The following DPH6 variants were observed in gnomAD, a reference collection of about 807,000 sequenced individuals.
The protein encoded by DPH6 is diphthine--ammonia ligase.
DPH6 carries 33 observed loss-of-function variants against 38.2 expected under a neutral mutation model. The observed-to-expected ratio is 0.86, with a 90% CI of 0.65 to 1.15. The LOEUF (loss-of-function observed/expected upper bound fraction) is 1.15, where lower values mean the gene tolerates loss of function less well. Among genes scored for constraint, DPH6 ranks in the 50% most tolerant of loss-of-function variants. The pLI, the probability that DPH6 is intolerant of heterozygous loss-of-function variation, is 0.00. For missense variants in DPH6, 325 were observed against 320.0 expected (o/e 1.02, Z -0.12); for synonymous variants, 108 against 103.0 (o/e 1.05, Z -0.30).
chr15:35,223,548 CGGT>C (rs1293212643), intron 3 of DPH6, among the ~76,000 whole-genome samples: 1 of 151,978 alleles, frequency 6.6e-6, no homozygotes, highest in Non-Finnish European at 1.5e-5. Context: ...TAACCAGGCA[CGGT>C]GGTGGACGCC....
chr15:35,449,926 G>A (rs60075747), intron 5 of DPH6, among the ~76,000 whole-genome samples: 4,064 of 152,098 alleles, frequency 0.027, 179 homozygotes, highest in African/African-American at 0.093. Context: ...AGATCTGCAA[G>A]GTAAACACTT....
chr15:35,245,703 T>C (rs1324504689), intron 3 of DPH6, among the ~76,000 whole-genome samples: 1 of 152,160 alleles, frequency 6.6e-6, no homozygotes, highest in Non-Finnish European at 1.5e-5. Flanking sequence ...GCAGAACAGC[T>C]CTCTCAAATC....
chr15:35,243,824 G>A lies in DPH6; in HGVS notation n.201-23242C>T, dbSNP rs528899228. On this transcript the variant is annotated intron_variant and non_coding_transcript_variant, in intron 3 of 3. Coordinates refer to the DPH6 transcript ENST00000560386. ...AGCCTGTTTGGTGGTCTCTTCCCACGGACGCGCATGAAAAATTCCTTTCTA... is the reference window on the plus strand; with the variant it reads ...AGCCTGTTTGGTGGTCTCTTCCCACAGACGCGCATGAAAAATTCCTTTCTA... 3.3e-5 allele frequency among the ~76,000 whole-genome samples: 5 copies of A among 152,198 alleles called. No homozygotes were observed. The East Asian group carries it at 9.6e-4, about 29-fold the overall frequency.
chr15:35,188,944 A>G, the DPH6 span, among the ~76,000 whole-genome samples: 2 of 152,186 alleles, frequency 1.3e-5, no homozygotes, highest in East Asian at 3.8e-4. Flanking sequence ...TATTTGAAGC[A>G]TTAAAAGCCT....
chr15:35,521,708 A>G (rs1197190166), intron 3 of DPH6: 1 of 1,231,262 alleles, frequency 8.1e-7, no homozygotes, highest in Admixed American at 4.2e-5. Context: ...ATTAAAATCA[A>G]TTTTAGTCAA....
At chr15:35,184,871 TC>T in the DPH6 span, among the ~76,000 whole-genome samples, 1 of 152,310 alleles carries the variant, frequency 6.6e-6, no homozygotes, top group South Asian at 2.1e-4. Context: ...CCACGCAATT[TC>T]AATGGTTCTA....
At chr15:35,326,742 T>G (rs2052286020), downstream of DPH6, among the ~76,000 whole-genome samples, 1 of 152,122 alleles carries the variant, frequency 6.6e-6, no homozygotes, top group South Asian at 2.1e-4. Flanking sequence ...GGCATGTAAG[T>G]AGTCTTATAA....
At chr15:35,191,604 C>T in the DPH6 span, among the ~76,000 whole-genome samples, 1 of 152,162 alleles carries the variant, frequency 6.6e-6, no homozygotes, top group Non-Finnish European at 1.5e-5. Flanking sequence ...GACACTCTCC[C>T]CACTGCTGAG....
chr15:35,406,992 C>T (rs2053302396), intron 6 of DPH6, among the ~76,000 whole-genome samples: 1 of 151,838 alleles, frequency 6.6e-6, no homozygotes, highest in Admixed American at 6.6e-5. Flanking sequence ...CGTGGAAAGC[C>T]CCAAAGGAAA....
At chr15:35,200,983 CT>C in the DPH6 span, among the ~76,000 whole-genome samples, 227 of 123,848 alleles carry the variant, frequency 1.8e-3, no homozygotes, top group East Asian at 0.011. Context: ...AATAATTTCC[CT>C]TTTTTTTTTT....
downstream of DPH6, among the ~76,000 whole-genome samples, chr15:35,327,773 T>G: frequency 6.6e-6 from 1 of 152,174 alleles, no homozygotes; most frequent in East Asian, 1.9e-4. Flanking sequence ...AATAAGACAG[T>G]TGGGTTGATT....
intron 3 of DPH6, among the ~76,000 whole-genome samples, chr15:35,227,122 T>C (rs2051486972): frequency 6.6e-6 from 1 of 151,700 alleles, no homozygotes; most frequent in Non-Finnish European, 1.5e-5. Flanking sequence ...TAGTTGCTCA[T>C]AGTAGCCACT....
the DPH6 span, among the ~76,000 whole-genome samples, chr15:35,200,006 T>C: frequency 6.6e-6 from 1 of 152,062 alleles, no homozygotes; most frequent in Non-Finnish European, 1.5e-5. Flanking sequence ...TATAGTGGTC[T>C]CTCTCTTTTC....
intron 3 of DPH6, among the ~76,000 whole-genome samples, chr15:35,532,938 T>C (rs140249991): frequency 5.0e-4 from 76 of 152,082 alleles, no homozygotes; most frequent in African/African-American, 1.7e-3. Context: ...ACCCCGTCTC[T>C]ACTAAAAAGA....
chr15:35,495,302 C>A (rs1284656682), intron 3 of DPH6, among the ~76,000 whole-genome samples: 4 of 152,014 alleles, frequency 2.6e-5, no homozygotes, highest in African/African-American at 9.7e-5. Flanking sequence ...TTCGCAGATA[C>A]AAAGGAACAC....
At chr15:35,531,814 T>C (rs1310474901) in intron 3 of DPH6, among the ~76,000 whole-genome samples, 2 of 152,154 alleles carry the variant, frequency 1.3e-5, no homozygotes, top group South Asian at 2.1e-4. Context: ...ACTTATTCTT[T>C]TAATATTCAA....
chr15:35,428,311 TA>T, intron 5 of DPH6, among the ~76,000 whole-genome samples: 1 of 152,080 alleles, frequency 6.6e-6, no homozygotes, highest in Admixed American at 6.6e-5. Context: ...AATTTTTCTA[TA>T]AAACTGTCTT....
chr15:35,491,538 C>T (rs2054477748), intron 3 of DPH6, among the ~76,000 whole-genome samples: 1 of 131,972 alleles, frequency 7.6e-6, no homozygotes. Flanking sequence ...AGAATCAGAA[C>T]CAATAGGTGT....
the DPH6 span, among the ~76,000 whole-genome samples, chr15:35,183,849 T>A: frequency 6.6e-6 from 1 of 152,210 alleles, no homozygotes; most frequent in African/African-American, 2.4e-5. Context: ...AAGACAGAAT[T>A]TCAATCAAGT....
Sources: allele counts gnomAD v4.1 joint callset (sites outside exome capture counted in the v4.1 genomes callset), GRCh38; gene constraint gnomAD v4.1.1; transcripts MANE v1.5; gene names NCBI Gene and HGNC (gene_info 2026-07-23, HGNC 2026-07-21).